ADGRL4: variants seen among roughly 807,000 people sequenced by gnomAD.
The protein encoded by ADGRL4 is EGF, latrophilin and seven transmembrane domain containing 1.
Under a neutral mutation model 74.8 loss-of-function variants are expected in ADGRL4, and 90 were observed. That is an observed-to-expected ratio of 1.20 (90% confidence interval 1.02 to 1.43). ADGRL4 has a LOEUF of 1.43. Ranked by LOEUF, ADGRL4 falls within the 40% of genes most tolerant of loss-of-function variation. ADGRL4 has a pLI of 0.00. For missense variants in ADGRL4, 881 were observed against 814.3 expected (o/e 1.08, Z -1.00); for synonymous variants, 311 against 279.2 (o/e 1.11, Z -1.14).
chr1:78,966,571 C>T (rs1650061416), intron 2 of ADGRL4, among the ~76,000 whole-genome samples: 1 of 152,232 alleles, frequency 6.6e-6, no homozygotes, highest in Admixed American at 6.5e-5. Context: ...TCATTGTTCC[C>T]AGGGGTCAGG....
At position 78,912,436 on chromosome 1, in the gene ADGRL4, C is replaced by T. The variant is rs144295246; in HGVS notation, c.1749+5198G>A. On this transcript the variant is annotated intron_variant, in intron 12 of 14. Coordinates refer to ENST00000370742, the MANE Select transcript of ADGRL4 (RefSeq NM_022159.4). Reference sequence around the variant, plus strand: ...CATGAACCAGTACTGCCTGAGCTCCCATCCTGTCAAATCATCAGCAGCATT... The same window carrying T: ...CATGAACCAGTACTGCCTGAGCTCCTATCCTGTCAAATCATCAGCAGCATT... 4.0e-5 allele frequency among the ~76,000 whole-genome samples: 6 copies of T among 151,854 alleles called. No individual in the cohort carries two copies. The East Asian group carries it at 1.2e-3, about 30-fold the overall frequency.
intron 2 of ADGRL4, among the ~76,000 whole-genome samples, chr1:78,978,334 T>C (rs924169332): frequency 6.6e-6 from 1 of 151,956 alleles, no homozygotes; most frequent in African/African-American, 2.4e-5. Flanking sequence ...ATTACTGAAC[T>C]TTCACTCACA....
chr1:78,938,280 C>A lies in ADGRL4; in HGVS notation c.397-1G>T. 7.0e-6 allele frequency: 11 copies of A among 1,563,100 alleles called. No individual in the cohort carries two copies. Among genetic ancestry groups the A allele is most frequent in the Non-Finnish European group, 9.5e-6 (11 of 1,162,406 alleles). On this transcript the variant is annotated splice_acceptor_variant, in intron 4 of 14. Coordinates refer to ENST00000370742, the MANE Select transcript of ADGRL4 (RefSeq NM_022159.4). LOFTEE classifies it high-confidence loss of function. ...CCACAGGTTCTTTTATGGATCTGAT[C>A]TGAGAAAAAATGAGTCCAGAAAAAG...
chr1:78,933,744 A>C (rs1203559526), intron 7 of ADGRL4, among the ~76,000 whole-genome samples: 2 of 149,796 alleles, frequency 1.3e-5, no homozygotes, highest in African/African-American at 2.5e-5. Context: ...TCACAATACA[A>C]AATCAATGTG....
chr1:78,995,174 A>G (rs1650689287), intron 2 of ADGRL4, among the ~76,000 whole-genome samples: 1 of 152,180 alleles, frequency 6.6e-6, no homozygotes, highest in African/African-American at 2.4e-5. Flanking sequence ...CATGGATGTA[A>G]CAGCCTTCTA....
At chr1:78,903,934 AAAATAAAT>A (rs141234701) in intron 12 of ADGRL4, among the ~76,000 whole-genome samples, 39,498 of 141,180 alleles carry the variant, frequency 0.28, 5,651 homozygotes, top group Middle Eastern at 0.31. Context: ...GACTCCATAT[AAAATAAAT>A]AAATAAATAA....
rs965985929 is a variant in ADGRL4, at chr1:78,966,526, G to A, written c.173-20100C>T. 2.6e-5 allele frequency among the ~76,000 whole-genome samples: 4 copies of A among 152,104 alleles called. No individual in the cohort carries two copies. In the South Asian group the frequency reaches 8.3e-4, roughly 32 times the overall value. On this transcript the variant is annotated intron_variant, in intron 2 of 14. Transcript: ENST00000370742. Reference sequence around the variant, plus strand: ...TTGCTTCTGAGCCTTTTCATCCTTGGTCTTCTGAGGGTAGGAGAAACTGTG... The same window carrying A: ...TTGCTTCTGAGCCTTTTCATCCTTGATCTTCTGAGGGTAGGAGAAACTGTG...
rs185622137 is a variant in ADGRL4 at position 78,996,004 on chromosome 1, G to A, written c.172+9066C>T. ...AAAATAGGAGTCCAATAATTAAAAC[G>A]TGGAGGATAATAGATTAATCTAGAA... On this transcript the variant is annotated intron_variant, in intron 2 of 14. Coordinates refer to ENST00000370742, the MANE Select transcript of ADGRL4 (RefSeq NM_022159.4). Among the ~76,000 whole-genome samples, 18 of 152,294 alleles carry A rather than the reference G, an allele frequency of 1.2e-4. No homozygotes were observed. The East Asian group carries it at 2.7e-3, about 23-fold the overall frequency.
intron 3 of ADGRL4, among the ~76,000 whole-genome samples, chr1:78,945,130 A>G (rs1197975287): frequency 2.0e-5 from 3 of 146,978 alleles, no homozygotes; most frequent in African/African-American, 7.5e-5. Context: ...GCACCACTGC[A>G]CTCCAGCCTG....
At chr1:78,913,153 T>A (rs1648798095) in intron 12 of ADGRL4, among the ~76,000 whole-genome samples, 2 of 151,770 alleles carry the variant, frequency 1.3e-5, no homozygotes, top group Admixed American at 1.3e-4. Flanking sequence ...GCTGGTGAAG[T>A]TGGGGAGAAA....
intron 2 of ADGRL4, among the ~76,000 whole-genome samples, chr1:78,985,448 C>A (rs11804647): frequency 0.015 from 2,314 of 151,720 alleles, 61 homozygotes; most frequent in African/African-American, 0.053. Flanking sequence ...TATTTAGAAA[C>A]AAAAGCATAG....
intron 2 of ADGRL4, among the ~76,000 whole-genome samples, chr1:78,954,630 T>A (rs17102527): frequency 2.0e-4 from 30 of 152,204 alleles, no homozygotes; most frequent in African/African-American, 6.3e-4. Context: ...CTTGAAAATT[T>A]CAACAAAGAA....
At chr1:78,962,942 T>G (rs1383153060) in intron 2 of ADGRL4, among the ~76,000 whole-genome samples, 2 of 152,306 alleles carry the variant, frequency 1.3e-5, no homozygotes, top group East Asian at 3.9e-4. Flanking sequence ...TTATGAAAAC[T>G]TACTGTGCAA....
At chr1:78,919,980 G>A (rs944606848) in intron 10 of ADGRL4, among the ~76,000 whole-genome samples, 1 of 151,962 alleles carries the variant, frequency 6.6e-6, no homozygotes, top group Non-Finnish European at 1.5e-5. Context: ...TCATAATGAG[G>A]GCCATTTTTG....
intron 12 of ADGRL4, 56 bp from the exon 13 acceptor site, chr1:78,893,245 T>TA (rs886972076): frequency 7.7e-5 from 81 of 1,051,044 alleles, no homozygotes; most frequent in Non-Finnish European, 1.1e-4. Context: ...ATTGGATACA[T>TA]ATAAAGAAAA....
intron 2 of ADGRL4, among the ~76,000 whole-genome samples, chr1:78,960,571 C>T (rs1649929613): frequency 6.6e-6 from 1 of 152,140 alleles, no homozygotes; most frequent in Admixed American, 6.6e-5. Context: ...ATTGTTTTAA[C>T]TTTTCCACTT....
chr1:78,990,855 T>C (rs1650594529), intron 2 of ADGRL4, among the ~76,000 whole-genome samples: 1 of 151,978 alleles, frequency 6.6e-6, no homozygotes, highest in African/African-American at 2.4e-5. Context: ...CCAGAAATAA[T>C]CTTCAGAACT....
At chr1:78,965,747 T>C (rs183812138) in intron 2 of ADGRL4, among the ~76,000 whole-genome samples, 3 of 152,258 alleles carry the variant, frequency 2.0e-5, no homozygotes, top group Admixed American at 1.3e-4. Flanking sequence ...AAAAGAAACC[T>C]TTAAAATGAC....
At chr1:78,981,373 C>T (rs17102566) in intron 2 of ADGRL4, among the ~76,000 whole-genome samples, 1 of 151,832 alleles carries the variant, frequency 6.6e-6, no homozygotes, top group Non-Finnish European at 1.5e-5. Context: ...CTTTATCATG[C>T]CCATTTCATA....
Sources: gnomAD v4.1 joint callset for allele counts (sites outside exome capture counted in the v4.1 genomes callset) on GRCh38, gnomAD v4.1.1 for gene constraint, MANE v1.5 for transcripts, NCBI Gene and HGNC (gene_info 2026-07-23, HGNC 2026-07-21) for gene names.